Variants in DSCAML1 observed in about 807,000 individuals in gnomAD.
DSCAML1 encodes cell adhesion molecule DSCAML1.
A neutral mutation model predicts 200.5 loss-of-function variants in DSCAML1; 38 were observed. The observed-to-expected ratio is 0.19, with a 90% CI of 0.15 to 0.25. The LOEUF (loss-of-function observed/expected upper bound fraction) is 0.25, where lower values mean the gene tolerates loss of function less well. Ranked by LOEUF, DSCAML1 falls within the 10% of genes least tolerant of loss-of-function variation. The pLI, the probability that DSCAML1 is intolerant of heterozygous loss-of-function variation, is 1.00. For synonymous variants in DSCAML1, 1,215 were observed against 1,165.0 expected, an observed-to-expected ratio of 1.04 and a Z score of -0.87; for missense variants, 2,223 against 2,858.8, an observed-to-expected ratio of 0.78 and a Z score of 5.07.
Position 117,687,148 on chromosome 11 carries a change from A to C in DSCAML1, c.511+89643T>G, listed in dbSNP as rs75314582. On this transcript the variant is annotated intron_variant, in intron 3 of 32. Coordinates refer to ENST00000651296, the MANE Select transcript of DSCAML1 (RefSeq NM_020693.4). ...TTATAGGAGAGACAGGAAGAAAAGG[A>C]GGAGAGGCCAGAGCGGGAGGAGGCA... 9.4e-4 allele frequency among the ~76,000 whole-genome samples: 143 copies of C among 152,336 alleles called. 2 individuals are homozygous for C. In the East Asian group the frequency reaches 0.027, roughly 29 times the overall value.
chr11:117,651,711 C>CAAAAAAA (rs1193144259), intron 3 of DSCAML1, among the ~76,000 whole-genome samples: 1 of 31,102 alleles, frequency 3.2e-5, no homozygotes, highest in Non-Finnish European at 7.8e-5. Context: ...GACTCTGTCT[C>CAAAAAAA]AAAAAAAAAA....
chr11:117,574,176 A>G (rs984806260), intron 3 of DSCAML1, among the ~76,000 whole-genome samples: 2 of 152,140 alleles, frequency 1.3e-5, no homozygotes, highest in Non-Finnish European at 2.9e-5. Flanking sequence ...GGGGGATCCA[A>G]TTCTCCAGAA....
chr11:117,475,050 T>C (rs1450226696), intron 14 of DSCAML1, among the ~76,000 whole-genome samples: 3 of 152,284 alleles, frequency 2.0e-5, no homozygotes, highest in East Asian at 1.9e-4. Flanking sequence ...TCACCGCGCC[T>C]GGCCTCTGTG....
intron 3 of DSCAML1, among the ~76,000 whole-genome samples, chr11:117,773,562 C>CACAG (rs1158759688): frequency 6.7e-6 from 1 of 149,076 alleles, no homozygotes; most frequent in Admixed American, 6.7e-5. Flanking sequence ...CACACACACA[C>CACAG]AGCACAGCAC....
chr11:117,677,843 G>A (rs1011261262), intron 3 of DSCAML1, among the ~76,000 whole-genome samples: 2 of 152,210 alleles, frequency 1.3e-5, no homozygotes, highest in African/African-American at 4.8e-5. Flanking sequence ...AGCATTAGAG[G>A]AGGGACACAA....
rs1311504897 is a variant in DSCAML1 at position 117,780,289 on chromosome 11, A to AC, written c.364+203_364+204insG. ...GAAAGAAAGAAAGAAAGAAAGAAAGAAAGAAAGAAAGAAAGAGAGAAAGGA... is the reference window on the plus strand; with the variant it reads ...GAAAGAAAGAAAGAAAGAAAGAAAGACAAGAAAGAAAGAAAGAGAGAAAGGA... On this transcript the variant is annotated intron_variant, in intron 2 of 32. Transcript: ENST00000651296. This position sits in a 1 kb window ranked among gnomAD's most constrained non-coding sequence, Gnocchi z 4.8. Among the ~76,000 whole-genome samples, 6 of 98,270 alleles carry AC rather than the reference A, an allele frequency of 6.1e-5. No homozygotes were observed. The highest frequency in any genetic ancestry group is 9.5e-5 in the African/African-American group (3 of 31,684). 64.5% of individuals were successfully genotyped at this position (98,270 alleles called of 152,430 possible).
intron 3 of DSCAML1, among the ~76,000 whole-genome samples, chr11:117,737,008 C>T (rs752916437): frequency 1.7e-4 from 26 of 152,090 alleles, no homozygotes; most frequent in Non-Finnish European, 3.4e-4. Flanking sequence ...TGTCAAGCAC[C>T]GGCACACAGC....
intron 3 of DSCAML1, among the ~76,000 whole-genome samples, chr11:117,607,140 G>A (rs558843664): frequency 4.0e-4 from 61 of 152,322 alleles, no homozygotes; most frequent in African/African-American, 1.4e-3. Context: ...ACTCTCTTCC[G>A]GGACCTGCAT....
chr11:117,735,124 G>A (rs10892166), intron 3 of DSCAML1, among the ~76,000 whole-genome samples: 11,120 of 152,264 alleles, frequency 0.073, 632 homozygotes, highest in African/African-American at 0.15. Flanking sequence ...AGGGCAGATG[G>A]ACTGTCTTAC....
intron 3 of DSCAML1, among the ~76,000 whole-genome samples, chr11:117,597,133 A>G (rs1471814659): frequency 2.0e-5 from 3 of 152,266 alleles, no homozygotes. Flanking sequence ...AAATAATGAC[A>G]TAACCCAGTC....
upstream of DSCAML1, among the ~76,000 whole-genome samples, chr11:117,800,041 G>A (rs1310272478): frequency 6.6e-6 from 1 of 152,252 alleles, no homozygotes; most frequent in African/African-American, 2.4e-5. Flanking sequence ...TGAGGCGGAA[G>A]AGCCTGGAGA....
intron 3 of DSCAML1, among the ~76,000 whole-genome samples, chr11:117,717,400 A>T (rs559225591): frequency 5.3e-5 from 8 of 152,164 alleles, no homozygotes; most frequent in South Asian, 4.1e-4. Context: ...TCAACTCTTC[A>T]TCAGAACTCC....
intron 8 of DSCAML1, among the ~76,000 whole-genome samples, chr11:117,507,179 C>A (rs1179649052): frequency 1.3e-5 from 2 of 152,204 alleles, no homozygotes; most frequent in African/African-American, 4.8e-5. Context: ...AGGAGATAGA[C>A]AATTAGCTTA....
At chr11:117,536,324 T>A (rs950834038) in intron 3 of DSCAML1, among the ~76,000 whole-genome samples, 1 of 152,160 alleles carries the variant, frequency 6.6e-6, no homozygotes, top group Non-Finnish European at 1.5e-5. Flanking sequence ...GGGCCAGGGT[T>A]GGACAACATG....
chr11:117,719,492 C>T (rs1309789642), intron 3 of DSCAML1, among the ~76,000 whole-genome samples: 9 of 152,168 alleles, frequency 5.9e-5, no homozygotes, highest in Admixed American at 5.9e-4. Flanking sequence ...GGGTTAGGTA[C>T]GTTGACCAAG....
rs915326923 is a variant in DSCAML1, at chr11:117,469,296, G to A, written c.3024+614C>T. On this transcript the variant is annotated intron_variant, in intron 16 of 32. Coordinates refer to ENST00000651296, the MANE Select transcript of DSCAML1 (RefSeq NM_020693.4). This position sits in a 1 kb window ranked among gnomAD's most constrained non-coding sequence, Gnocchi z 4.1. ...TTGCCAGCCCTTCTATGCCCATGGA[G>A]GGGTTTGGTGGTAGGGCCAGAAGAT... 6.6e-6 allele frequency among the ~76,000 whole-genome samples: 1 copy of A among 152,198 alleles called. No individual in the cohort carries two copies. The highest frequency in any genetic ancestry group is 6.5e-5 in the Admixed American group (1 of 15,282).
chr11:117,697,662 G>A (rs1312134160), intron 3 of DSCAML1, among the ~76,000 whole-genome samples: 1 of 151,976 alleles, frequency 6.6e-6, no homozygotes, highest in Non-Finnish European at 1.5e-5. Context: ...GAGTACTCTA[G>A]GTACCTCGTA....
rs1308173695 is a variant in DSCAML1, at chr11:117,470,834, T to C, written c.2954-854A>G. On this transcript the variant is annotated intron_variant, in intron 15 of 32. Transcript: ENST00000651296. ...AAATGATATAGCTATGCTAATGACA[T>C]GAATGAAACTTGCAAAAGTAATATT... 2.0e-5 allele frequency among the ~76,000 whole-genome samples: 3 copies of C among 152,060 alleles called. No individual in the cohort carries two copies. The East Asian group carries it at 5.8e-4, about 29-fold the overall frequency.
rs773171775 is a variant in DSCAML1, at chr11:117,428,714, G to A, written c.5776C>T (p.Arg1926Cys). Residue 1926 changes from arginine (R) to cysteine (C), a missense_variant, in exon 33 of 33, where the codon CGT becomes TGT. Physicochemically the swap from Arg to Cys is radical, Grantham distance 180. Around this residue, in one of 7 missense-constraint regions of DSCAML1, gnomAD observed 280 missense variants for 213.4 expected, o/e 1.31. Coordinates refer to ENST00000651296, the MANE Select transcript of DSCAML1 (RefSeq NM_020693.4). ...GCCAGGTTCCGGATGGAGGCCTCAC[G>A]GGGTGGGACCACGGGGCAGGGCTCA... ...GREPCPVVPP[R>C]EASIRNLART... The A allele has an allele frequency of 9.3e-6, 15 of 1,613,184 alleles. No individual in the cohort carries two copies. The highest frequency in any genetic ancestry group is 4.5e-5 in the East Asian group (2 of 44,884).
Sources: gnomAD v4.1 joint callset for allele counts (sites outside exome capture counted in the v4.1 genomes callset) on GRCh38, gnomAD v4.1.1 for gene constraint, gnomAD v4.1.1 regional missense constraint, Gnocchi (gnomAD v3.1) non-coding constraint, MANE v1.5 for transcripts, NCBI Gene and HGNC (gene_info 2026-07-23, HGNC 2026-07-21) for gene names.